DLC1: variants seen among roughly 807,000 people sequenced by gnomAD.
DLC1 encodes the protein rho GTPase-activating protein 7.
DLC1 carries 54 observed loss-of-function variants against 140.3 expected under a neutral mutation model. The ratio of observed to expected loss-of-function variants is 0.38; its 90% confidence interval spans 0.31 to 0.48. The LOEUF (loss-of-function observed/expected upper bound fraction) is 0.48. Among genes scored for constraint, DLC1 ranks in the 20% least tolerant of loss-of-function variants. The pLI is 0.96. For missense variants in DLC1, 2,536 were observed against 1,907.0 expected, an observed-to-expected ratio of 1.33 and a Z score of -6.14; for synonymous variants, 986 against 728.1, an observed-to-expected ratio of 1.35 and a Z score of -5.70.
intron 1 of DLC1, among the ~76,000 whole-genome samples, chr8:13,534,369 C>G (rs1803197893): frequency 6.6e-6 from 1 of 152,046 alleles, no homozygotes; most frequent in African/African-American, 2.4e-5. Context: ...CACTTAAGTA[C>G]ACACACACCC....
chr8:13,573,503 T>G (rs1804736472), intron 1 of DLC1, among the ~76,000 whole-genome samples: 1 of 152,182 alleles, frequency 6.6e-6, no homozygotes, highest in Non-Finnish European at 1.5e-5. Context: ...GAATAGAAGG[T>G]GTGAAAGTGG....
At chr8:13,258,156 C>T (rs1482255644) in intron 5 of DLC1, among the ~76,000 whole-genome samples, 1 of 152,152 alleles carries the variant, frequency 6.6e-6, no homozygotes, top group East Asian at 1.9e-4. Flanking sequence ...ACAAAACATT[C>T]CAGTCCCTGA....
intron 5 of DLC1, among the ~76,000 whole-genome samples, chr8:13,254,688 C>G (rs1292207533): frequency 7.1e-6 from 1 of 140,792 alleles, no homozygotes; most frequent in Non-Finnish European, 1.5e-5. Context: ...CAGAAAGATC[C>G]AAATCACAGT....
chr8:13,523,040 G>A (rs947290915), intron 1 of DLC1, among the ~76,000 whole-genome samples: 2 of 152,196 alleles, frequency 1.3e-5, no homozygotes, highest in Non-Finnish European at 2.9e-5. Flanking sequence ...GTTAGGTAGT[G>A]TCTTGTAAGT....
intron 5 of DLC1, among the ~76,000 whole-genome samples, chr8:13,213,876 C>A (rs961028358): frequency 6.6e-6 from 1 of 151,796 alleles, no homozygotes; most frequent in African/African-American, 2.4e-5. Flanking sequence ...CTCTGCCTTC[C>A]GAGTTAAAGC....
intron 1 of DLC1, among the ~76,000 whole-genome samples, chr8:13,593,471 T>G (rs943710310): frequency 6.6e-6 from 1 of 152,116 alleles, no homozygotes; most frequent in African/African-American, 2.4e-5. Flanking sequence ...GATGAAATCT[T>G]AAGATTCAAT....
At chr8:13,281,561 T>C (rs534402719) in intron 5 of DLC1, among the ~76,000 whole-genome samples, 1 of 152,310 alleles carries the variant, frequency 6.6e-6, no homozygotes, top group Non-Finnish European at 1.5e-5. Context: ...AATTTATACA[T>C]AAATAAATAT....
At chr8:13,132,847 C>A in intron 5 of DLC1, 2 of 1,448,042 alleles carry the variant, frequency 1.4e-6, no homozygotes, top group Non-Finnish European at 1.9e-6. Context: ...AGAACAGGCA[C>A]CGACTTGACA....
intron 5 of DLC1, among the ~76,000 whole-genome samples, chr8:13,135,423 C>T (rs538627561): frequency 6.6e-5 from 10 of 152,108 alleles, no homozygotes; most frequent in Non-Finnish European, 1.2e-4. Flanking sequence ...CCTCGTGATC[C>T]GCCTACCTCA....
intron 2 of DLC1, among the ~76,000 whole-genome samples, chr8:13,482,316 A>G (rs1367880807): frequency 6.7e-6 from 1 of 149,202 alleles, no homozygotes; most frequent in African/African-American, 2.5e-5. Context: ...ACAGTTAATC[A>G]TGGTGTCTAC....
chr8:13,298,534 C>T (rs1208749287), intron 5 of DLC1, among the ~76,000 whole-genome samples: 1 of 152,168 alleles, frequency 6.6e-6, no homozygotes, highest in East Asian at 1.9e-4. Flanking sequence ...TTGCAGGACA[C>T]ACAAAGACAA....
Position 13,499,600 on chromosome 8 carries a change from G to T in DLC1, c.472C>A (p.Gln158Lys). 1 of 1,614,134 alleles carries T rather than the reference G, an allele frequency of 6.2e-7. No individual in the cohort carries two copies. The highest frequency in any genetic ancestry group is 8.5e-7 in the Non-Finnish European group (1 of 1,180,004). The change falls in exon 2 of 18, where the codon CAA becomes AAA. Residue 158 changes from glutamine to lysine, a missense_variant. Gln to Lys is a moderately conservative substitution (Grantham distance 53). Coordinates refer to ENST00000276297, the MANE Select transcript of DLC1 (RefSeq NM_182643.3). ...ATTCCCCAGGAGTTAGAAGAAACTT[G>T]GTTACTTTGTATGATGGGCAGTGCC... ...EKALPIIQSN[Q>K]VSSNSWGIAG...
chr8:13,155,172 A>C (rs1248689226), intron 5 of DLC1, among the ~76,000 whole-genome samples: 3 of 150,732 alleles, frequency 2.0e-5, no homozygotes, highest in Non-Finnish European at 4.4e-5. Flanking sequence ...ATATCGGTGT[A>C]TAAATGTACT....
intron 4 of DLC1, among the ~76,000 whole-genome samples, chr8:13,383,311 C>G (rs1332843082): frequency 6.6e-6 from 1 of 152,120 alleles, no homozygotes; most frequent in Admixed American, 6.5e-5. Flanking sequence ...ATGAGAGGGT[C>G]TACGGTTGTT....
intron 1 of DLC1, among the ~76,000 whole-genome samples, chr8:13,531,866 A>G (rs1267058589): frequency 6.6e-6 from 1 of 152,166 alleles, no homozygotes; most frequent in Non-Finnish European, 1.5e-5. Context: ...ACCATATATT[A>G]CAAAAGGAAA....
chr8:13,102,415 ATTG>A (rs772348477), intron 8 of DLC1, among the ~76,000 whole-genome samples: 11 of 152,042 alleles, frequency 7.2e-5, no homozygotes, highest in Non-Finnish European at 1.5e-4. Flanking sequence ...AAGCACAGTT[ATTG>A]TTATATTTGG....
chr8:13,384,352 A>C (rs1836413625), intron 4 of DLC1, among the ~76,000 whole-genome samples: 1 of 128,312 alleles, frequency 7.8e-6, no homozygotes, highest in Non-Finnish European at 1.8e-5. Flanking sequence ...ACCTTGAGCA[A>C]GACAAAACTA....
chr8:13,123,389 G>A (rs1037155031), intron 5 of DLC1, among the ~76,000 whole-genome samples: 8 of 151,288 alleles, frequency 5.3e-5, no homozygotes, highest in South Asian at 2.1e-4. Context: ...CTCCCAGGCC[G>A]GAATGCAGTG....
intron 5 of DLC1, among the ~76,000 whole-genome samples, chr8:13,166,504 C>G (rs922655297): frequency 4.6e-5 from 7 of 152,110 alleles, no homozygotes; most frequent in African/African-American, 1.7e-4. Context: ...CCACACCTGG[C>G]TAATTTTTGC....
Sources: gnomAD v4.1 joint callset for allele counts (sites outside exome capture counted in the v4.1 genomes callset) on GRCh38, gnomAD v4.1.1 for gene constraint, MANE v1.5 for transcripts, NCBI Gene and HGNC (gene_info 2026-07-23, HGNC 2026-07-21) for gene names.